Variants in OXR1 observed in about 807,000 individuals in gnomAD.
OXR1 encodes oxidation resistance 1.
Under a neutral mutation model 104.6 loss-of-function variants are expected in OXR1, and 41 were observed. The observed-to-expected ratio is 0.39, with a 90% CI of 0.31 to 0.51. The LOEUF (loss-of-function observed/expected upper bound fraction) is 0.51, where lower values mean the gene tolerates loss of function less well. OXR1 is among the 20% of genes least tolerant of loss of function. OXR1 has a pLI of 0.77. For synonymous variants in OXR1, 348 were observed against 348.4 expected (o/e 1.00, Z 0.01); for missense variants, 955 against 1,031.9 (o/e 0.93, Z 1.02).
At chr8:106,736,831 C>T (rs1203907944) in intron 11 of OXR1, among the ~76,000 whole-genome samples, 1 of 150,642 alleles carries the variant, frequency 6.6e-6, no homozygotes, top group Non-Finnish European at 1.5e-5. Context: ...CAGTAAAAAC[C>T]ATAAAGAAAT....
chr8:106,691,900 T>C (rs137984378), intron 6 of OXR1, among the ~76,000 whole-genome samples: 2,596 of 150,532 alleles, frequency 0.017, 55 homozygotes, highest in African/African-American at 0.059. Context: ...TCCTTACTCA[T>C]TTGTCAAGTT....
At chr8:106,540,066 A>G (rs1186313566) in intron 3 of OXR1, among the ~76,000 whole-genome samples, 1 of 152,248 alleles carries the variant, frequency 6.6e-6, no homozygotes, top group African/African-American at 2.4e-5. Flanking sequence ...TCAAGTATAC[A>G]TATACAGATT....
chr8:106,427,481 T>C (rs1819181137), intron 2 of OXR1, among the ~76,000 whole-genome samples: 2 of 152,174 alleles, frequency 1.3e-5, no homozygotes, highest in South Asian at 4.1e-4. Flanking sequence ...AAGAGACTGA[T>C]AGATTCTCCA....
At chr8:106,723,664 T>TC (rs1479092763) in intron 11 of OXR1, among the ~76,000 whole-genome samples, 3 of 143,112 alleles carry the variant, frequency 2.1e-5, no homozygotes, top group Non-Finnish European at 4.5e-5. Context: ...AGAGCAATAC[T>TC]CCATCTCAAA....
At chr8:106,694,728 A>G (rs1475880745) in intron 7 of OXR1, among the ~76,000 whole-genome samples, 1 of 109,844 alleles carries the variant, frequency 9.1e-6, no homozygotes, top group Non-Finnish European at 1.7e-5. Flanking sequence ...ATATTTTTAT[A>G]TATTTATATA....
intron 11 of OXR1, chr8:106,725,923 TG>T (rs1247011571): frequency 4.0e-6 from 1 of 252,388 alleles, no homozygotes; most frequent in Non-Finnish European, 7.5e-6. Context: ...ATTCATGTAC[TG>T]ATGTTTGGAA....
At chr8:106,486,294 A>G (rs1296680735) in intron 2 of OXR1, among the ~76,000 whole-genome samples, 1 of 152,074 alleles carries the variant, frequency 6.6e-6, no homozygotes, top group African/African-American at 2.4e-5. Context: ...TTACATTACA[A>G]CCTCTAATTG....
chr8:106,286,645 A>T (rs938195410), intron 1 of OXR1, among the ~76,000 whole-genome samples: 3 of 152,024 alleles, frequency 2.0e-5, no homozygotes, highest in African/African-American at 7.2e-5. Context: ...TTTTTCTCAT[A>T]TACAGAAATG....
intron 2 of OXR1, among the ~76,000 whole-genome samples, chr8:106,468,601 G>A (rs1046042388): frequency 2.6e-5 from 4 of 151,800 alleles, no homozygotes; most frequent in Non-Finnish European, 5.9e-5. Flanking sequence ...TAGTCAAGGG[G>A]ATGGTCAGGT....
intron 2 of OXR1, among the ~76,000 whole-genome samples, chr8:106,442,008 G>T (rs1254984997): frequency 6.6e-6 from 1 of 152,148 alleles, no homozygotes; most frequent in South Asian, 2.1e-4. Context: ...CAAAGGGAAT[G>T]CTTCCAGCTG....
At chr8:106,454,996 A>C (rs1370289487) in intron 2 of OXR1, among the ~76,000 whole-genome samples, 2 of 152,194 alleles carry the variant, frequency 1.3e-5, no homozygotes. Context: ...ACACTATAGT[A>C]CTTTTGTCTG....
chr8:106,438,292 T>C (rs943192942), intron 2 of OXR1, among the ~76,000 whole-genome samples: 1 of 152,130 alleles, frequency 6.6e-6, no homozygotes, highest in Non-Finnish European at 1.5e-5. Flanking sequence ...GAAATGGTTA[T>C]ATCTACCTAT....
At chr8:106,589,004 G>T (rs2130681223) in intron 3 of OXR1, among the ~76,000 whole-genome samples, 1 of 152,220 alleles carries the variant, frequency 6.6e-6, no homozygotes, top group Admixed American at 6.5e-5. Flanking sequence ...TATAAAGAAA[G>T]TGGCTTTATT....
chr8:106,480,742 C>T (rs1486202463), intron 2 of OXR1, among the ~76,000 whole-genome samples: 1 of 151,876 alleles, frequency 6.6e-6, no homozygotes, highest in Non-Finnish European at 1.5e-5. Flanking sequence ...TTTATACAGT[C>T]ACATAAGATT....
At chr8:106,416,292 G>T (rs1818676047) in intron 2 of OXR1, among the ~76,000 whole-genome samples, 1 of 151,890 alleles carries the variant, frequency 6.6e-6, no homozygotes, top group Non-Finnish European at 1.5e-5. Context: ...TAATAAATCT[G>T]GTTTAACACA....
chr8:106,740,544 A>G (rs1834832683), intron 14 of OXR1, 49 bp downstream of exon 14: 1 of 1,427,164 alleles, frequency 7.0e-7, no homozygotes, highest in Admixed American at 2.0e-5. Flanking sequence ...GAGCAGTAAC[A>G]GTAACTTTTA....
At chr8:106,495,677 G>A (rs1423073571) in intron 2 of OXR1, among the ~76,000 whole-genome samples, 3 of 152,190 alleles carry the variant, frequency 2.0e-5, no homozygotes, top group Non-Finnish European at 4.4e-5. Context: ...TCCCAAGACA[G>A]CAAAGAATTC....
intron 3 of OXR1, among the ~76,000 whole-genome samples, chr8:106,628,147 AG>A (rs753962554): frequency 2.6e-5 from 4 of 152,212 alleles, no homozygotes; most frequent in Non-Finnish European, 5.9e-5. Flanking sequence ...TGGGTCTTTC[AG>A]GGTTTCTAAC....
intron 2 of OXR1, among the ~76,000 whole-genome samples, chr8:106,366,856 A>G (rs543170152): frequency 1.3e-4 from 20 of 152,248 alleles, no homozygotes; most frequent in African/African-American, 4.8e-4. Flanking sequence ...GCATAAATTA[A>G]GAGAAAATAA....
Sources: gnomAD v4.1 joint callset for allele counts (sites outside exome capture counted in the v4.1 genomes callset) on GRCh38, gnomAD v4.1.1 for gene constraint, MANE v1.5 for transcripts, NCBI Gene and HGNC (gene_info 2026-07-23, HGNC 2026-07-21) for gene names.